The following TANGO6 variants were observed in gnomAD, a reference collection of about 807,000 sequenced individuals.
TANGO6 encodes transport and golgi organization 6 homolog.
Under a neutral mutation model 114.2 loss-of-function variants are expected in TANGO6, and 90 were observed. That is an observed-to-expected ratio of 0.79 (90% CI 0.66 to 0.94). TANGO6 has a LOEUF of 0.94. Among genes scored for constraint, TANGO6 ranks in the 40% least tolerant of loss-of-function variants. The probability of loss-of-function intolerance (pLI) is 0.00; values close to 1 mark genes in which losing one functional copy is unlikely to be tolerated. For missense variants in TANGO6, 1,274 were observed against 1,315.3 expected (o/e 0.97, Z 0.49); for synonymous variants, 477 against 509.8 (o/e 0.94, Z 0.87).
chr16:68,995,760 C>T (rs117243623), intron 15 of TANGO6, among the ~76,000 whole-genome samples: 10 of 152,164 alleles, frequency 6.6e-5, no homozygotes, highest in Non-Finnish European at 1.2e-4. Flanking sequence ...CCATGCCTTA[C>T]GAAGTTAAAC....
intron 15 of TANGO6, among the ~76,000 whole-genome samples, chr16:69,004,905 G>A (rs538676933): frequency 1.3e-5 from 2 of 152,150 alleles, no homozygotes; most frequent in African/African-American, 4.8e-5. Context: ...AGAAAATGCT[G>A]TTACAGAAAA....
intron 11 of TANGO6, among the ~76,000 whole-genome samples, chr16:68,910,864 A>G (rs145872064): frequency 0.087 from 13,214 of 151,694 alleles, 640 homozygotes; most frequent in African/African-American, 0.14. Flanking sequence ...TTTAGTAGAG[A>G]TGGGGTTTCA....
chr16:69,061,105 C>T (rs1960109315), intron 17 of TANGO6, among the ~76,000 whole-genome samples: 1 of 152,138 alleles, frequency 6.6e-6, no homozygotes, highest in Admixed American at 6.6e-5. Flanking sequence ...CTTAAGATCT[C>T]TTAAGGAGGG....
At chr16:68,892,811 G>A (rs1299112739) in intron 7 of TANGO6, among the ~76,000 whole-genome samples, 8 of 152,064 alleles carry the variant, frequency 5.3e-5, no homozygotes, top group Non-Finnish European at 5.9e-5. Flanking sequence ...CACTGCACCC[G>A]GGCCAGGTTC....
chr16:68,964,562 A>AT (rs1963625582), intron 14 of TANGO6, among the ~76,000 whole-genome samples: 1 of 147,660 alleles, frequency 6.8e-6, no homozygotes, highest in African/African-American at 2.5e-5. Flanking sequence ...AAAACATATT[A>AT]ATTTTTTTTT....
Position 68,878,357 on chromosome 16 carries a change from CTG to C in TANGO6, c.1294+81_1294+82del, listed in dbSNP as rs1962402466. The C allele has an allele frequency of 3.4e-6, 5 of 1,467,666 alleles. No individual in the cohort carries two copies. In the Admixed American group the frequency reaches 7.4e-5, roughly 22 times the overall value. 90.9% of individuals were successfully genotyped at this position (1,467,666 alleles called of 1,614,324 possible). A position where few individuals can be genotyped will look rare whatever the true frequency, so the allele number is the denominator to read the frequency against. ...TATTTCACGTTGAAATGATTTAAAT[CTG>C]TGTTATATCAGTCTCTTTAGTTTTC... is the stretch of plus-strand genomic sequence containing the variant. On this transcript the variant is annotated intron_variant, in intron 6 of 17. Transcript: ENST00000261778.
intron 14 of TANGO6, among the ~76,000 whole-genome samples, chr16:68,940,771 TAAC>T (rs1963345159): frequency 6.6e-6 from 1 of 152,268 alleles, no homozygotes; most frequent in African/African-American, 2.4e-5. Context: ...CAAAAATAGA[TAAC>T]AATAACTTGA....
intron 14 of TANGO6, among the ~76,000 whole-genome samples, chr16:68,943,016 T>G (rs993297745): frequency 8.0e-5 from 12 of 150,908 alleles, no homozygotes. Context: ...TCCTCCCACC[T>G]TAGACTCCCG....
intron 15 of TANGO6, among the ~76,000 whole-genome samples, chr16:68,999,648 C>T (rs1964021877): frequency 6.6e-6 from 1 of 152,066 alleles, no homozygotes; most frequent in Non-Finnish European, 1.5e-5. Flanking sequence ...TGTTTTTGGA[C>T]AAAAACTTTG....
intron 1 of TANGO6, chr16:68,846,493 C>T (rs571191660): frequency 2.3e-5 from 8 of 345,402 alleles, no homozygotes; most frequent in Admixed American, 1.6e-4. Context: ...TTCTTTTATA[C>T]GATTCTTTCT....
intron 1 of TANGO6, among the ~76,000 whole-genome samples, chr16:68,844,917 T>C (rs1296047631): frequency 6.6e-6 from 1 of 151,736 alleles, no homozygotes. Context: ...GACTGCAAAA[T>C]AGAATTTTAA....
At chr16:69,046,507 G>T (rs952857775) in intron 17 of TANGO6, among the ~76,000 whole-genome samples, 7 of 151,940 alleles carry the variant, frequency 4.6e-5, no homozygotes, top group African/African-American at 1.7e-4. Context: ...TAGTAGACAG[G>T]TTTTCACCAT....
At chr16:68,957,251 T>C (rs926011688) in intron 14 of TANGO6, among the ~76,000 whole-genome samples, 24 of 152,130 alleles carry the variant, frequency 1.6e-4, no homozygotes, top group Non-Finnish European at 2.9e-4. Context: ...GATAATGTAG[T>C]CATTATCACT....
chr16:69,053,256 A>G (rs1959982078), intron 17 of TANGO6, among the ~76,000 whole-genome samples: 1 of 152,052 alleles, frequency 6.6e-6, no homozygotes, highest in Non-Finnish European at 1.5e-5. Context: ...ACAAATATAT[A>G]TATTCCCCCT....
At chr16:68,999,913 A>G (rs1442456833) in intron 15 of TANGO6, among the ~76,000 whole-genome samples, 1 of 152,204 alleles carries the variant, frequency 6.6e-6, no homozygotes, top group African/African-American at 2.4e-5. Context: ...CACACTTTCC[A>G]AAGTTATCAG....
intron 7 of TANGO6, among the ~76,000 whole-genome samples, chr16:68,896,972 C>T (rs139527363): frequency 0.024 from 3,666 of 152,028 alleles, 148 homozygotes; most frequent in African/African-American, 0.084. Flanking sequence ...GGCATGATCT[C>T]GGCTCACTGC....
chr16:69,044,438 G>A (rs1324387467), intron 17 of TANGO6, among the ~76,000 whole-genome samples: 1 of 152,148 alleles, frequency 6.6e-6, no homozygotes, highest in African/African-American at 2.4e-5. Context: ...AAGCAGGCCA[G>A]TTCTGATGGG....
chr16:68,886,911 G>A (rs1962547344), intron 7 of TANGO6, among the ~76,000 whole-genome samples: 1 of 151,612 alleles, frequency 6.6e-6, no homozygotes, highest in South Asian at 2.1e-4. Context: ...AGGTTCAAGC[G>A]ATTCTCTTGC....
At chr16:68,939,923 C>T (rs777277694) in intron 14 of TANGO6, among the ~76,000 whole-genome samples, 26 of 152,086 alleles carry the variant, frequency 1.7e-4, no homozygotes, top group South Asian at 1.7e-3. Flanking sequence ...CTGGGTGGGA[C>T]TGCCTGTGAT....
Sources: gnomAD v4.1 joint callset for allele counts (sites outside exome capture counted in the v4.1 genomes callset) on GRCh38, gnomAD v4.1.1 for gene constraint, MANE v1.5 for transcripts, NCBI Gene and HGNC (gene_info 2026-07-23, HGNC 2026-07-21) for gene names.